WSCD2: variants seen among roughly 807,000 people sequenced by gnomAD.
WSCD2 encodes WSC domain sialate O sulfotransferase 2, also known as sialate:O-sulfotransferase 2.
In WSCD2, 28 loss-of-function variants were observed where a neutral mutation model predicts 55.7. The observed-to-expected ratio is 0.50, with a 90% CI of 0.37 to 0.69. WSCD2 has a LOEUF of 0.69. WSCD2 is among the 30% of genes least tolerant of loss of function. WSCD2 has a pLI of 0.00. For synonymous variants in WSCD2, 301 were observed against 301.9 expected, an observed-to-expected ratio of 1.00 and a Z score of 0.03; for missense variants, 616 against 762.1, an observed-to-expected ratio of 0.81 and a Z score of 2.26.
At chr12:108,207,304 G>A (rs977280818) in intron 3 of WSCD2, among the ~76,000 whole-genome samples, 3 of 152,156 alleles carry the variant, frequency 2.0e-5, no homozygotes, top group African/African-American at 7.2e-5. Flanking sequence ...AACCTCAGCT[G>A]CATGCCTGGT....
In WSCD2 at chr12:108,205,288, G is replaced by A. The variant is rs41314125; in HGVS notation, c.383-1001G>A. Among the ~76,000 whole-genome samples, 654 of 152,176 alleles carry A rather than the reference G, an allele frequency of 4.3e-3. 9 individuals are homozygous for A. The East Asian group carries it at 0.051, about 12-fold the overall frequency. ...GTTACTTTGAGCAAGTGACTTCTCC[G>A]GGCCCTTTTCTCTTCTGTATACAAC... On this transcript the variant is annotated intron_variant, in intron 2 of 8. Coordinates refer to ENST00000547525, the MANE Select transcript of WSCD2 (RefSeq NM_014653.4).
intron 1 of WSCD2, among the ~76,000 whole-genome samples, chr12:108,186,470 G>A (rs1409378393): frequency 6.6e-6 from 1 of 152,124 alleles, no homozygotes; most frequent in Non-Finnish European, 1.5e-5. Context: ...AGTATCATAC[G>A]GAGCAGTTTC....
At chr12:108,139,984 C>G (rs938024763) in intron 1 of WSCD2, among the ~76,000 whole-genome samples, 1 of 152,172 alleles carries the variant, frequency 6.6e-6, no homozygotes, top group African/African-American at 2.4e-5. Context: ...CCTCAGTTTC[C>G]TCACCTGCAA....
At chr12:108,236,030 G>A (rs1256347733) in intron 7 of WSCD2, among the ~76,000 whole-genome samples, 6 of 152,200 alleles carry the variant, frequency 3.9e-5, no homozygotes, top group Non-Finnish European at 5.9e-5. Flanking sequence ...GCAAAGTTCT[G>A]CAGCCCCTTT....
chr12:108,222,399 A>G (rs950485524), intron 4 of WSCD2, among the ~76,000 whole-genome samples: 6 of 152,238 alleles, frequency 3.9e-5, no homozygotes, highest in Admixed American at 3.9e-4. Context: ...GAGAGTTTAC[A>G]ATGAACCTTG....
intron 2 of WSCD2, among the ~76,000 whole-genome samples, chr12:108,200,292 G>C (rs4964656): frequency 0.33 from 50,474 of 152,020 alleles, 8,632 homozygotes; most frequent in East Asian, 0.61. Context: ...TAAAAATATT[G>C]AGTGCCATTT....
intron 2 of WSCD2, 73 bp from the exon 3 acceptor site, chr12:108,206,216 A>G (rs1885344137): frequency 7.9e-7 from 1 of 1,268,272 alleles, no homozygotes; most frequent in Non-Finnish European, 1.1e-6. Context: ...CCAGAGACAC[A>G]TTGGTGAGGC....
chr12:108,165,116 G>A (rs1879478079), intron 1 of WSCD2, among the ~76,000 whole-genome samples: 1 of 152,180 alleles, frequency 6.6e-6, no homozygotes, highest in African/African-American at 2.4e-5. Flanking sequence ...CAGAGGGCAA[G>A]GGAAAAGATT....
chr12:108,194,931 C>G (rs1443835309), intron 1 of WSCD2, among the ~76,000 whole-genome samples: 1 of 152,178 alleles, frequency 6.6e-6, no homozygotes, highest in Non-Finnish European at 1.5e-5. Context: ...ACTTTTCAGA[C>G]TTAAGGTAAT....
chr12:108,177,094 T>C (rs543732645), intron 1 of WSCD2, among the ~76,000 whole-genome samples: 1 of 152,310 alleles, frequency 6.6e-6, no homozygotes, highest in South Asian at 2.1e-4. Flanking sequence ...GCTGAGTCTA[T>C]GACCTTGCAT....
intron 1 of WSCD2, among the ~76,000 whole-genome samples, chr12:108,153,043 C>G (rs1435158687): frequency 6.6e-6 from 1 of 152,006 alleles, no homozygotes; most frequent in African/African-American, 2.4e-5. Flanking sequence ...GCAGAGGTTG[C>G]AGTGAGCCGA....
intron 1 of WSCD2, among the ~76,000 whole-genome samples, chr12:108,145,154 C>T (rs1176814533): frequency 6.6e-6 from 1 of 152,224 alleles, no homozygotes; most frequent in Non-Finnish European, 1.5e-5. Context: ...TGCTGCCTCC[C>T]ACCTCAGGAC....
chr12:108,212,613 T>TCACACACAGACACACACA (rs1555235812), intron 4 of WSCD2, among the ~76,000 whole-genome samples: 9 of 138,546 alleles, frequency 6.5e-5, no homozygotes, highest in African/African-American at 2.6e-4. Flanking sequence ...TCTCTCTCTC[T>TCACACACAGACACACACA]CACACACACA....
At chr12:108,231,619 C>T (rs766907580) in intron 6 of WSCD2, among the ~76,000 whole-genome samples, 1 of 152,198 alleles carries the variant, frequency 6.6e-6, no homozygotes, top group Non-Finnish European at 1.5e-5. Flanking sequence ...TCAATCCTTA[C>T]AAGAGCCCTA....
intron 5 of WSCD2, 44 bp downstream of exon 5, chr12:108,224,904 A>G (rs753722411): frequency 4.8e-5 from 77 of 1,600,192 alleles, no homozygotes; most frequent in Non-Finnish European, 3.9e-5. Context: ...GGAGGGAACC[A>G]TGCAGCAGAG....
chr12:108,144,523 G>A (rs1479195878), intron 1 of WSCD2, among the ~76,000 whole-genome samples: 2 of 152,128 alleles, frequency 1.3e-5, no homozygotes, highest in African/African-American at 4.8e-5. Context: ...TTATGTGTGC[G>A]AGAGGATTCT....
chr12:108,206,422 A>G lies in WSCD2; in HGVS notation c.497+19A>G, dbSNP rs1237417210. On this transcript the variant is annotated intron_variant, in intron 3 of 8. Transcript: ENST00000547525. ...CTGAACGGTAGGGTCCCAGCATCCC[A>G]GACTTGTCCATTTCAGGCCCTTCCT... 1 of 1,610,844 alleles carries G rather than the reference A, an allele frequency of 6.2e-7. No individual in the cohort carries two copies. The highest frequency in any genetic ancestry group is 1.7e-5 in the Admixed American group (1 of 60,016).
chr12:108,139,827 A>G (rs953722659), intron 1 of WSCD2, among the ~76,000 whole-genome samples: 1 of 152,246 alleles, frequency 6.6e-6, no homozygotes, highest in Non-Finnish European at 1.5e-5. Flanking sequence ...TTTAAATAAC[A>G]GAAACTCTCT....
At chr12:108,172,695 A>G (rs151338773) in intron 1 of WSCD2, among the ~76,000 whole-genome samples, 119 of 152,338 alleles carry the variant, frequency 7.8e-4, no homozygotes, top group Non-Finnish European at 1.5e-3. Context: ...AGGGGCACAG[A>G]ACAGATTTTT....
Sources: allele counts gnomAD v4.1 joint callset (sites outside exome capture counted in the v4.1 genomes callset), GRCh38; gene constraint gnomAD v4.1.1; transcripts MANE v1.5; gene names NCBI Gene and HGNC (gene_info 2026-07-23, HGNC 2026-07-21).